The following RORC variants were observed in gnomAD, a reference collection of about 807,000 sequenced individuals.
The protein encoded by RORC is nuclear receptor ROR-gamma.
RORC carries 13 observed loss-of-function variants against 64.5 expected under a neutral mutation model. The ratio of observed to expected loss-of-function variants is 0.20; its 90% confidence interval spans 0.13 to 0.32. RORC has a LOEUF of 0.32. RORC is among the 10% of genes least tolerant of loss of function. The pLI is 1.00. For missense variants in RORC, 468 were observed against 669.5 expected, an observed-to-expected ratio of 0.70 and a Z score of 3.32; for synonymous variants, 277 against 259.3, an observed-to-expected ratio of 1.07 and a Z score of -0.65.
chr1:151,814,936 G>C lies in RORC; in HGVS notation c.788C>G (p.Pro263Arg), dbSNP rs756964643. Residue 263 changes from proline to arginine, a missense_variant, in exon 5 of 11, where the codon CCC (proline) becomes CGC (arginine). By Grantham distance (103) the Pro-to-Arg change is moderately radical. Transcript: ENST00000318247. The part of the protein sequence containing the change: ...SPSFRSTPEA[P>R]YASLTEIEHL... ...ACCTATCTCTGTCAGGGAGGCATAG[G>C]GTGCCTCCGGTGTGCTGCGGAAACT... The C allele has an allele frequency of 1.2e-6, 2 of 1,613,850 alleles. No homozygotes were observed. Among genetic ancestry groups the C allele is most frequent in the Admixed American group, 3.3e-5 (2 of 60,006 alleles).
chr1:151,808,347 C>T (rs1456615686), intron 10 of RORC, among the ~76,000 whole-genome samples: 1 of 152,228 alleles, frequency 6.6e-6, no homozygotes, highest in Non-Finnish European at 1.5e-5. Flanking sequence ...GGCACAGAAA[C>T]CAGTGAGCAG....
rs1455188334 is a variant in RORC at position 151,812,782 on chromosome 1, CTTTAT to C, written c.1285+160_1285+164del. 4.5e-5 allele frequency: 25 copies of C among 554,614 alleles called. No homozygotes were observed. In the Admixed American group the frequency reaches 7.1e-4, roughly 16 times the overall value. 34.4% of individuals were successfully genotyped at this position (554,614 alleles called of 1,614,324 possible). A position where few individuals can be genotyped will look rare whatever the true frequency, so the allele number is the denominator to read the frequency against. On this transcript the variant is annotated intron_variant, in intron 9 of 10. Coordinates refer to ENST00000318247, the MANE Select transcript of RORC (RefSeq NM_005060.4). ...GTCCCTCTCTGAGAGTCCTCTGAAT[CTTTAT>C]TTTAACTCATTTTATTTTATAGCAA...
chr1:151,825,474 C>T (rs950505903), intron 2 of RORC, among the ~76,000 whole-genome samples: 2 of 152,140 alleles, frequency 1.3e-5, no homozygotes, highest in African/African-American at 4.8e-5. Context: ...AGCACAGCAA[C>T]TGCTCTGGCC....
rs548757546 is a variant in RORC, at chr1:151,831,583, C to G, written c.40+142G>C. ...CTCCTGTTTCTCCTCCAGTTTCACT[C>G]CCTGCCAACCCAGGGCTTTCTCCTC... On this transcript the variant is annotated intron_variant, in intron 1 of 10. Transcript: ENST00000318247. 15 of 1,542,988 alleles carry G rather than the reference C, an allele frequency of 9.7e-6. No individual in the cohort carries two copies. The Admixed American group carries it at 2.2e-4, about 23-fold the overall frequency.
chr1:151,807,115 A>G lies in RORC; in HGVS notation c.*357T>C, dbSNP rs1651345130. 3 of 203,274 alleles carry G rather than the reference A, an allele frequency of 1.5e-5. No individual in the cohort carries two copies. Among genetic ancestry groups the G allele is most frequent in the Non-Finnish European group, 3.0e-5 (3 of 100,604 alleles). The allele number at this position is 203,274 out of a possible 1,614,324, so 12.6% of individuals were successfully genotyped here. A position where few individuals can be genotyped will look rare whatever the true frequency, so the allele number is the denominator to read the frequency against. On this transcript the variant is annotated 3_prime_UTR_variant, in exon 11 of 11. Coordinates refer to ENST00000318247, the MANE Select transcript of RORC (RefSeq NM_005060.4). This position sits in a 1 kb window ranked among gnomAD's most constrained non-coding sequence, Gnocchi z 5.0. ...TGAGCTTCTGAATGAATTGCATTCTATTCATCCAGGGAGCCCTGGATGCCC... is the reference window on the plus strand; with the variant it reads ...TGAGCTTCTGAATGAATTGCATTCTGTTCATCCAGGGAGCCCTGGATGCCC...
chr1:151,819,440 G>A (rs777213484), intron 2 of RORC, among the ~76,000 whole-genome samples: 18 of 152,148 alleles, frequency 1.2e-4, no homozygotes, highest in African/African-American at 2.9e-4. Flanking sequence ...AGGAGCACTC[G>A]GGCCCTGTGG....
intron 1 of RORC, 112 bp from the exon 2 acceptor site, chr1:151,829,570 G>A (rs865947473): frequency 1.4e-5 from 15 of 1,036,548 alleles, no homozygotes; most frequent in Admixed American, 3.1e-5. Flanking sequence ...AGAGCCTGGC[G>A]TCTGAAGGGC....
Position 151,817,179 on chromosome 1 carries a change from C to T in RORC, c.156+16G>A. ...GCACACGCACACATGCATGCATACA[C>T]ATGCCTATGACTCACCTTGCACCCC... On this transcript the variant is annotated intron_variant, in intron 3 of 10. Coordinates refer to ENST00000318247, the MANE Select transcript of RORC (RefSeq NM_005060.4). The T allele has an allele frequency of 6.3e-7, 1 of 1,583,768 alleles. No homozygotes were observed.
chr1:151,830,278 A>G lies in RORC; in HGVS notation c.41-820T>C, dbSNP rs1572049622. ...GGGTGGAGATTGGGCAGTAGGGAGC[A>G]TGAGTGGGTCGATGGGGGTCACATG... On this transcript the variant is annotated intron_variant, in intron 1 of 10. Coordinates refer to ENST00000318247, the MANE Select transcript of RORC (RefSeq NM_005060.4). The surrounding 1 kb of genome is among the most constrained non-coding windows in gnomAD (Gnocchi z 4.0). 6.6e-6 allele frequency among the ~76,000 whole-genome samples: 1 copy of G among 151,454 alleles called. No individual in the cohort carries two copies. The highest frequency in any genetic ancestry group is 2.0e-4 in the East Asian group (1 of 5,112).
intron 4 of RORC, among the ~76,000 whole-genome samples, 161 bp from the exon 5 acceptor site, chr1:151,815,586 C>T (rs928439631): frequency 1.3e-5 from 2 of 152,206 alleles, no homozygotes; most frequent in South Asian, 2.1e-4. Context: ...CTCAAGACCC[C>T]GTCCACCTCT....
chr1:151,831,075 G>A lies in RORC; in HGVS notation c.40+650C>T, dbSNP rs368755686. 5 of 1,288,970 alleles carry A rather than the reference G, an allele frequency of 3.9e-6. No homozygotes were observed. The African/African-American group carries it at 6.1e-5, about 16-fold the overall frequency. 79.8% of individuals were successfully genotyped at this position (1,288,970 alleles called of 1,614,324 possible). A position where few individuals can be genotyped will look rare whatever the true frequency, so the allele number is the denominator to read the frequency against. On this transcript the variant is annotated intron_variant, in intron 1 of 10. Transcript: ENST00000318247. The stretch of plus-strand genomic sequence containing the variant: ...GTTCCTGACTTGGACCATGGGTGGG[G>A]CCAAGGACGGCCTGACATTCTGTCC...
At chr1:151,823,844 T>A (rs7551161) in intron 2 of RORC, among the ~76,000 whole-genome samples, 1,652 of 152,238 alleles carry the variant, frequency 0.011, 20 homozygotes, top group African/African-American at 0.037. Flanking sequence ...AGCGGCTCAC[T>A]TTGTTGCCCA....
rs777324932 is a variant in RORC, at chr1:151,807,673, A to G, written c.1396-40T>C. On this transcript the variant is annotated intron_variant, in intron 10 of 10. Coordinates refer to ENST00000318247, the MANE Select transcript of RORC (RefSeq NM_005060.4). The surrounding 1 kb of genome is among the most constrained non-coding windows in gnomAD (Gnocchi z 5.0). ...ATGGGGAAGGGAGGGTCAATACTTC[A>G]GCTCTCCTCAGAGCAAAGAAGTCCG... The G allele has an allele frequency of 1.9e-6, 3 of 1,605,464 alleles. No individual in the cohort carries two copies. The highest frequency in any genetic ancestry group is 2.6e-6 in the Non-Finnish European group (3 of 1,174,018).
chr1:151,819,787 A>G (rs1474520532), intron 2 of RORC, among the ~76,000 whole-genome samples: 1 of 152,156 alleles, frequency 6.6e-6, no homozygotes. Context: ...TCTCATAGGA[A>G]GATGCGGCCA....
rs539394442 is a variant in RORC at position 151,831,665 on chromosome 1, G to T, written c.40+60C>A. ...TCTTGCCCAGTCTCTTGCCATTTCT[G>T]CCCTCCTCTGAACCTCCAGCAGTCT... On this transcript the variant is annotated intron_variant, in intron 1 of 10. Coordinates refer to ENST00000318247, the MANE Select transcript of RORC (RefSeq NM_005060.4). 5.6e-6 allele frequency: 9 copies of T among 1,608,604 alleles called. No individual in the cohort carries two copies. In the East Asian group the frequency reaches 2.0e-4, roughly 36 times the overall value.
chr1:151,813,296 T>C lies in RORC; in HGVS notation c.1117A>G (p.Asn373Asp), dbSNP rs1313461448. Residue 373 changes from asparagine to aspartate, a missense_variant, in exon 8 of 11, where the codon AAC becomes GAC. Asn to Asp is a conservative substitution (Grantham distance 23). Around this residue, in one of 5 missense-constraint regions of RORC, gnomAD observed 100 missense variants for 190.8 expected, o/e 0.52. Coordinates refer to ENST00000318247, the MANE Select transcript of RORC (RefSeq NM_005060.4). The part of the protein sequence containing the change: ...VRMCRAYNAD[N>D]RTVFFEGKYG... The stretch of plus-strand genomic sequence containing the variant: ...TTGCCTTCAAAAAAGACCGTGCGGT[T>C]GTCAGCATTGTAGGCCCGGCACATC... 1.9e-6 allele frequency: 3 copies of C among 1,614,160 alleles called. No homozygotes were observed. The highest frequency in any genetic ancestry group is 2.2e-5 in the East Asian group (1 of 44,882).
chr1:151,816,731 G>GAAAC lies in RORC; in HGVS notation c.230_231insGTTT (p.Thr78PhefsTer89). ...AGTGCTGGCATCGGTTTCGGCTGGT[G>GAAAC]CGGTCGATGGGGCAGTTCTGCTGAC... On this transcript the variant is annotated frameshift_variant, in exon 4 of 11. Transcript: ENST00000318247. LOFTEE classifies it high-confidence loss of function. 6.2e-7 allele frequency: 1 copy of GAAAC among 1,600,562 alleles called. No homozygotes were observed.
intron 2 of RORC, among the ~76,000 whole-genome samples, chr1:151,822,308 C>T: frequency 7.0e-6 from 1 of 141,910 alleles, no homozygotes; most frequent in Non-Finnish European, 1.6e-5. Context: ...AGCGGGAGGG[C>T]TGGGTGGGGG....
chr1:151,816,930 C>T (rs909143483), intron 3 of RORC, 125 bp from the exon 4 acceptor site: 35 of 1,081,748 alleles, frequency 3.2e-5, no homozygotes, highest in Middle Eastern at 2.5e-4. Context: ...TTTCTCTCTC[C>T]TCCATCTATT....
Sources: allele counts gnomAD v4.1 joint callset (sites outside exome capture counted in the v4.1 genomes callset), GRCh38; gene constraint gnomAD v4.1.1; regional missense constraint gnomAD v4.1.1; non-coding constraint Gnocchi (gnomAD v3.1); transcripts MANE v1.5; gene names NCBI Gene and HGNC (gene_info 2026-07-23, HGNC 2026-07-21).